The following CRTC3 variants were observed in gnomAD, a reference collection of about 807,000 sequenced individuals.
The protein encoded by CRTC3 is CREB-regulated transcription coactivator 3.
A neutral mutation model predicts 74.5 loss-of-function variants in CRTC3; 26 were observed. The ratio of observed to expected loss-of-function variants is 0.35; its 90% CI spans 0.26 to 0.48. The LOEUF (loss-of-function observed/expected upper bound fraction) is 0.48, where lower values mean the gene tolerates loss of function less well. Among genes scored for constraint, CRTC3 ranks in the 20% least tolerant of loss-of-function variants. CRTC3 has a pLI of 0.99. For synonymous variants in CRTC3, 377 were observed against 325.8 expected (o/e 1.16, Z -1.69); for missense variants, 760 against 787.3 (o/e 0.97, Z 0.41).
intron 7 of CRTC3, among the ~76,000 whole-genome samples, chr15:90,614,923 G>A (rs1596126798): frequency 6.6e-6 from 1 of 152,166 alleles, no homozygotes; most frequent in South Asian, 2.1e-4. Context: ...AATTAGCCGG[G>A]CGTGGTGGCA....
intron 3 of CRTC3, among the ~76,000 whole-genome samples, chr15:90,601,776 C>T (rs956532267): frequency 2.6e-5 from 4 of 152,168 alleles, no homozygotes; most frequent in African/African-American, 9.7e-5. Context: ...TGAGACCTAC[C>T]TCTGTGGTAC....
Position 90,540,034 on chromosome 15 carries a change from T to C in CRTC3, c.133-5T>C. ...CTCAGCGTTCTTAAATCACTTTGTTTCCAGGTTCAATTTCAGAAGCTTCAG... is the reference window on the plus strand; with the variant it reads ...CTCAGCGTTCTTAAATCACTTTGTTCCCAGGTTCAATTTCAGAAGCTTCAG... On this transcript the variant is annotated splice_region_variant and splice_polypyrimidine_tract_variant and intron_variant, in intron 1 of 14. Transcript: ENST00000268184. The C allele has an allele frequency of 1.2e-6, 2 of 1,607,018 alleles. No individual in the cohort carries two copies. The highest frequency in any genetic ancestry group is 1.7e-6 in the Non-Finnish European group (2 of 1,173,852).
In CRTC3 at chr15:90,598,582, G is replaced by C; in HGVS notation, c.352-3742G>C. On this transcript the variant is annotated intron_variant, in intron 3 of 14. Coordinates refer to ENST00000268184, the MANE Select transcript of CRTC3 (RefSeq NM_022769.5). ...GGATGACTCTGAGATCCTAACATGA[G>C]TGTCTTGGTGGACGGTGGCCTCACT... 5.7e-6 allele frequency: 4 copies of C among 699,482 alleles called. No individual in the cohort carries two copies. In the South Asian group the frequency reaches 5.9e-5, roughly 10 times the overall value. 43.3% of individuals were successfully genotyped at this position (699,482 alleles called of 1,614,324 possible).
intron 9 of CRTC3, among the ~76,000 whole-genome samples, chr15:90,625,463 TAGC>T (rs747739335): frequency 1.3e-5 from 2 of 152,230 alleles, no homozygotes; most frequent in African/African-American, 4.8e-5. Flanking sequence ...ACTACATAAA[TAGC>T]AGTGCCTCAC....
intron 11 of CRTC3, chr15:90,634,715 G>A (rs1322346639): frequency 8.2e-6 from 6 of 728,470 alleles, no homozygotes; most frequent in Admixed American, 2.0e-5. Context: ...AGACTGAGGC[G>A]AAGGGAGTCA....
intron 2 of CRTC3, among the ~76,000 whole-genome samples, chr15:90,565,319 C>T (rs182170876): frequency 3.2e-4 from 49 of 152,174 alleles, no homozygotes; most frequent in Middle Eastern, 3.4e-3. Flanking sequence ...TTCACAGTGT[C>T]GTGAGGATTA....
intron 3 of CRTC3, chr15:90,594,599 A>G (rs74520220): frequency 0.062 from 9,467 of 152,278 alleles, 392 homozygotes; most frequent in Middle Eastern, 0.1. Context: ...TTGGCTTCAC[A>G]AGCCTAGAAA....
At chr15:90,630,758 T>TAACTACTCACCACCTCGCCATAAATTGA (rs1596143191) in intron 11 of CRTC3, among the ~76,000 whole-genome samples, 978 of 42,440 alleles carry the variant, frequency 0.023, 190 homozygotes, top group Middle Eastern at 0.054. Flanking sequence ...ACAGCATCAT[T>TAACTACTCACCACCTCGCCATAAATTGA]TTTTTTTTTT....
intron 2 of CRTC3, among the ~76,000 whole-genome samples, chr15:90,543,704 A>G (rs2151057892): frequency 6.6e-6 from 1 of 152,288 alleles, no homozygotes; most frequent in East Asian, 1.9e-4. Flanking sequence ...CCCAGAGCAC[A>G]GATTTTTTTT....
chr15:90,541,381 TC>T (rs1966798963), intron 2 of CRTC3, among the ~76,000 whole-genome samples: 1 of 152,168 alleles, frequency 6.6e-6, no homozygotes, highest in African/African-American at 2.4e-5. Flanking sequence ...GTTGGGGACT[TC>T]CATTTGAGAG....
chr15:90,534,887 C>T (rs1023215074), intron 1 of CRTC3, among the ~76,000 whole-genome samples: 4 of 152,120 alleles, frequency 2.6e-5, no homozygotes, highest in Admixed American at 6.6e-5. Context: ...AGGCCAGGCG[C>T]GGTGGCTCAC....
chr15:90,545,536 T>A (rs28787997), intron 2 of CRTC3, among the ~76,000 whole-genome samples: 71,754 of 149,526 alleles, frequency 0.48, 18,919 homozygotes, highest in African/African-American at 0.72. Flanking sequence ...AGTAGCTGGG[T>A]TTACAGGCGC....
intron 2 of CRTC3, among the ~76,000 whole-genome samples, chr15:90,556,338 G>A (rs573344371): frequency 7.2e-5 from 11 of 151,930 alleles, no homozygotes; most frequent in East Asian, 1.9e-4. Context: ...TAGAAATATC[G>A]CCACCGTTGT....
At chr15:90,607,342 C>T (rs769267757) in intron 5 of CRTC3, 36 bp from the exon 6 acceptor site, 64 of 1,286,620 alleles carry the variant, frequency 5.0e-5, no homozygotes, top group Admixed American at 4.1e-4. Flanking sequence ...CTAAGGAAAA[C>T]GGATTTTCAG....
At chr15:90,634,815 A>G in intron 11 of CRTC3, 1 of 1,492,944 alleles carries the variant, frequency 6.7e-7, no homozygotes, top group Non-Finnish European at 9.3e-7. Context: ...CAAAGGAGGC[A>G]TTTTGCTTCC....
intron 1 of CRTC3, among the ~76,000 whole-genome samples, chr15:90,534,395 A>C (rs1186303912): frequency 2.0e-5 from 3 of 152,180 alleles, no homozygotes; most frequent in African/African-American, 7.2e-5. Flanking sequence ...GCAGCTCGAG[A>C]AGGAAGGCTG....
intron 2 of CRTC3, among the ~76,000 whole-genome samples, chr15:90,582,010 T>C (rs2151073681): frequency 6.6e-6 from 1 of 152,302 alleles, no homozygotes; most frequent in African/African-American, 2.4e-5. Flanking sequence ...CAAGGGTGCC[T>C]TTGGCCAGTT....
intron 2 of CRTC3, among the ~76,000 whole-genome samples, chr15:90,591,782 G>A (rs772691222): frequency 6.6e-6 from 1 of 152,238 alleles, no homozygotes; most frequent in Non-Finnish European, 1.5e-5. Context: ...GGGCAACAGA[G>A]TGAGACCCTG....
At chr15:90,603,240 G>C (rs369018741) in intron 4 of CRTC3, among the ~76,000 whole-genome samples, 1 of 150,736 alleles carries the variant, frequency 6.6e-6, no homozygotes. Context: ...TCAGGAGATC[G>C]AGACCATCCT....
Sources: gnomAD v4.1 joint callset for allele counts (sites outside exome capture counted in the v4.1 genomes callset) on GRCh38, gnomAD v4.1.1 for gene constraint, MANE v1.5 for transcripts, NCBI Gene and HGNC (gene_info 2026-07-23, HGNC 2026-07-21) for gene names.